The following MRPS28 variants were observed in gnomAD, a reference collection of about 807,000 sequenced individuals.
MRPS28 encodes the protein small ribosomal subunit protein bS1m.
MRPS28 carries 7 observed loss-of-function variants against 10.8 expected under a neutral mutation model. The observed-to-expected ratio is 0.65, with a 90% confidence interval of 0.37 to 1.22. The LOEUF is 1.22. MRPS28 is among the 50% of genes most tolerant of loss of function. MRPS28 has a pLI of 0.02. For synonymous variants in MRPS28, 121 were observed against 93.3 expected (o/e 1.30, Z -1.71); for missense variants, 265 against 232.9 (o/e 1.14, Z -0.90).
chr8:80,012,129 T>TTAG (rs72538550), intron 1 of MRPS28, among the ~76,000 whole-genome samples: 4 of 150,042 alleles, frequency 2.7e-5, no homozygotes. Context: ...TTCTCCTCCA[T>TTAG]TTTTTGCCTC....
intron 1 of MRPS28, among the ~76,000 whole-genome samples, chr8:80,021,250 C>G (rs1327836919): frequency 6.6e-6 from 1 of 152,182 alleles, no homozygotes; most frequent in East Asian, 1.9e-4. Context: ...TTCCGCCCAC[C>G]TTGGTCTCCC....
chr8:79,987,707 C>T (rs1808230622), intron 2 of MRPS28, among the ~76,000 whole-genome samples: 1 of 152,176 alleles, frequency 6.6e-6, no homozygotes, highest in African/African-American at 2.4e-5. Flanking sequence ...CAGAGAAATG[C>T]TAATCAAAAC....
chr8:80,004,343 C>T (rs187306882), intron 1 of MRPS28, among the ~76,000 whole-genome samples: 113 of 152,304 alleles, frequency 7.4e-4, no homozygotes, highest in African/African-American at 2.6e-3. Flanking sequence ...TTCGCTGTTC[C>T]GCAGCCTCTG....
intron 2 of MRPS28, among the ~76,000 whole-genome samples, chr8:79,948,164 T>C (rs1291332994): frequency 6.6e-6 from 1 of 151,836 alleles, no homozygotes; most frequent in East Asian, 1.9e-4. Flanking sequence ...ATTTTTTGTA[T>C]TTTTAGTAGA....
intron 2 of MRPS28, among the ~76,000 whole-genome samples, chr8:79,979,721 T>C (rs1807900414): frequency 6.6e-6 from 1 of 151,640 alleles, no homozygotes; most frequent in African/African-American, 2.4e-5. Flanking sequence ...TTATGAAAAC[T>C]ACCTGCCCTC....
intron 2 of MRPS28, among the ~76,000 whole-genome samples, chr8:79,921,069 T>C (rs544730705): frequency 0.018 from 2,817 of 152,304 alleles, 92 homozygotes; most frequent in African/African-American, 0.063. Context: ...TTGCTTGTTT[T>C]TGTCAGGTTT....
intron 1 of MRPS28, among the ~76,000 whole-genome samples, chr8:80,007,841 T>C (rs1008679835): frequency 6.6e-6 from 1 of 152,144 alleles, no homozygotes; most frequent in African/African-American, 2.4e-5. Context: ...AAAATGGCCA[T>C]ACTGCCCAAG....
chr8:79,922,776 A>G (rs1030739200), intron 2 of MRPS28, among the ~76,000 whole-genome samples: 6 of 152,086 alleles, frequency 3.9e-5, no homozygotes, highest in African/African-American at 1.4e-4. Context: ...GAATAGCAAG[A>G]GTGGAAGTAC....
chr8:79,940,609 T>C (rs1260009652), intron 2 of MRPS28, among the ~76,000 whole-genome samples: 1 of 152,232 alleles, frequency 6.6e-6, no homozygotes, highest in Non-Finnish European at 1.5e-5. Context: ...GGCTTGTAGC[T>C]TTCCCACAGT....
intron 2 of MRPS28, among the ~76,000 whole-genome samples, chr8:79,983,500 A>G: frequency 6.6e-6 from 1 of 152,178 alleles, no homozygotes; most frequent in African/African-American, 2.4e-5. Context: ...AACCCAAACC[A>G]AAGGCAAAGA....
At chr8:79,923,254 T>C (rs1810140815) in intron 2 of MRPS28, among the ~76,000 whole-genome samples, 1 of 152,190 alleles carries the variant, frequency 6.6e-6, no homozygotes, top group African/African-American at 2.4e-5. Flanking sequence ...GCTACTGGCC[T>C]AATGCCACAC....
chr8:79,930,876 C>T (rs1046500785), intron 2 of MRPS28, among the ~76,000 whole-genome samples: 6 of 152,182 alleles, frequency 3.9e-5, no homozygotes, highest in African/African-American at 1.4e-4. Flanking sequence ...AAAGTACACA[C>T]TTCAGAATTT....
chr8:80,022,426 C>G (rs945764759), intron 1 of MRPS28, among the ~76,000 whole-genome samples: 3 of 152,164 alleles, frequency 2.0e-5, no homozygotes, highest in Admixed American at 6.5e-5. Context: ...GGGATAAATA[C>G]TGTGTGTCCC....
At chr8:79,964,380 T>C (rs547324118) in intron 2 of MRPS28, among the ~76,000 whole-genome samples, 2 of 152,282 alleles carry the variant, frequency 1.3e-5, no homozygotes, top group East Asian at 3.9e-4. Flanking sequence ...GCGGAGACTA[T>C]AAACAGACAG....
chr8:79,929,021 G>A (rs1806385638), intron 2 of MRPS28, among the ~76,000 whole-genome samples: 1 of 152,132 alleles, frequency 6.6e-6, no homozygotes, highest in Non-Finnish European at 1.5e-5. Flanking sequence ...ACTCCAGCCT[G>A]AGTAACAAAG....
At chr8:79,953,666 A>C (rs1807135131) in intron 2 of MRPS28, among the ~76,000 whole-genome samples, 1 of 152,216 alleles carries the variant, frequency 6.6e-6, no homozygotes, top group Admixed American at 6.5e-5. Context: ...AAGCCTTCTT[A>C]AACTGAACAC....
intron 2 of MRPS28, among the ~76,000 whole-genome samples, chr8:79,972,705 G>T (rs1354747969): frequency 6.6e-6 from 1 of 152,094 alleles, no homozygotes; most frequent in African/African-American, 2.4e-5. Flanking sequence ...ATTGACACAC[G>T]TTTTTTAAAA....
In MRPS28 at chr8:79,938,229, T is replaced by TGGG. The variant is rs11447460; in HGVS notation, c.396-19084_396-19082dup. The stretch of plus-strand genomic sequence containing the variant: ...GAGTGCTACATTAAAAAGACATAGG[T>TGGG]GGGGGGGGGCATGCTCCTCCTATTT... On this transcript the variant is annotated intron_variant, in intron 2 of 2. Coordinates refer to ENST00000276585, the MANE Select transcript of MRPS28 (RefSeq NM_014018.3). Among the ~76,000 whole-genome samples the TGGG allele has an allele frequency of 1.8e-4, 27 of 149,738 alleles. No individual in the cohort carries two copies. In the Middle Eastern group the frequency reaches 0.01, roughly 58 times the overall value.
intron 2 of MRPS28, among the ~76,000 whole-genome samples, chr8:79,986,886 A>G (rs953249132): frequency 2.8e-4 from 42 of 152,156 alleles, no homozygotes; most frequent in Non-Finnish European, 5.6e-4. Flanking sequence ...ATCCCCATCA[A>G]GCTACCGATG....
Sources: allele counts gnomAD v4.1 joint callset (sites outside exome capture counted in the v4.1 genomes callset), GRCh38; gene constraint gnomAD v4.1.1; transcripts MANE v1.5; gene names NCBI Gene and HGNC (gene_info 2026-07-23, HGNC 2026-07-21).